C7orf78: variants seen among roughly 807,000 people sequenced by gnomAD.
C7orf78 encodes chromosome 7 open reading frame 78, also known as putative uncharacterized protein C7orf78.
chr7:12,512,128 T>TAGAAAAA, the C7orf78 span, among the ~76,000 whole-genome samples: 1 of 151,930 alleles, frequency 6.6e-6, no homozygotes, highest in South Asian at 2.1e-4. Flanking sequence ...TTGGTTTTTC[T>TAGAAAAA]AAATGTAAAT....
chr7:12,527,667 C>T, the C7orf78 span, among the ~76,000 whole-genome samples: 1 of 135,424 alleles, frequency 7.4e-6, no homozygotes, highest in Non-Finnish European at 1.6e-5. Flanking sequence ...CTAGTATATG[C>T]TATGTGTCAC....
chr7:12,511,945 T>G, the C7orf78 span, among the ~76,000 whole-genome samples: 1 of 140,796 alleles, frequency 7.1e-6, no homozygotes, highest in African/African-American at 2.7e-5. Flanking sequence ...TTTTTTTTTT[T>G]TTTGTATTTT....
At chr7:12,494,192 G>A in the C7orf78 span, among the ~76,000 whole-genome samples, 2 of 152,132 alleles carry the variant, frequency 1.3e-5, no homozygotes, top group East Asian at 3.9e-4. Context: ...AGGTAAAAGT[G>A]AGGAGAGAAG....
the C7orf78 span, among the ~76,000 whole-genome samples, chr7:12,503,093 G>GT: frequency 2.2e-5 from 3 of 135,174 alleles, no homozygotes; most frequent in South Asian, 2.4e-4. Flanking sequence ...TGGGGTGGGG[G>GT]TAGGGGGGAG....
the C7orf78 span, among the ~76,000 whole-genome samples, chr7:12,538,694 C>T: frequency 6.6e-6 from 1 of 152,154 alleles, no homozygotes; most frequent in Admixed American, 6.5e-5. Context: ...CACAAGATGG[C>T]TGGAGCTCAT....
At chr7:12,524,374 A>G in the C7orf78 span, among the ~76,000 whole-genome samples, 1 of 150,436 alleles carries the variant, frequency 6.6e-6, no homozygotes, top group Admixed American at 6.6e-5. Context: ...AGCTATAGTC[A>G]ATAACTCTCT....
chr7:12,511,214 G>A, the C7orf78 span, among the ~76,000 whole-genome samples: 3 of 151,680 alleles, frequency 2.0e-5, no homozygotes, highest in African/African-American at 7.3e-5. Flanking sequence ...GTTTATTTCT[G>A]GATTCTCTAT....
chr7:12,537,534 C>A, the C7orf78 span, among the ~76,000 whole-genome samples: 1 of 152,052 alleles, frequency 6.6e-6, no homozygotes, highest in Non-Finnish European at 1.5e-5. Context: ...AGAATTGGAA[C>A]AAGTACTTTG....
the C7orf78 span, among the ~76,000 whole-genome samples, chr7:12,521,992 A>G: frequency 1.6e-4 from 24 of 152,052 alleles, no homozygotes; most frequent in African/African-American, 5.8e-4. Context: ...AAAACAATCC[A>G]TCACTGCAAA....
the C7orf78 span, among the ~76,000 whole-genome samples, chr7:12,488,849 T>C: frequency 6.6e-6 from 1 of 151,790 alleles, no homozygotes; most frequent in South Asian, 2.1e-4. Flanking sequence ...ATGTTTCTTG[T>C]AAAGTATTAT....
At chr7:12,529,224 A>G in the C7orf78 span, among the ~76,000 whole-genome samples, 1 of 152,022 alleles carries the variant, frequency 6.6e-6, no homozygotes, top group Non-Finnish European at 1.5e-5. Flanking sequence ...AGAACTTTGG[A>G]TTTTCTTTTC....
chr7:12,534,165 C>G, the C7orf78 span, among the ~76,000 whole-genome samples: 9 of 152,244 alleles, frequency 5.9e-5, no homozygotes, highest in African/African-American at 2.2e-4. Context: ...TTTGGCAGAG[C>G]CTATAGATTT....
At chr7:12,499,109 G>A in the C7orf78 span, among the ~76,000 whole-genome samples, 47 of 152,146 alleles carry the variant, frequency 3.1e-4, no homozygotes, top group East Asian at 1.2e-3. Context: ...AGGAACAACC[G>A]GTACCAGCCA....
chr7:12,536,743 A>G, the C7orf78 span, among the ~76,000 whole-genome samples: 101 of 152,250 alleles, frequency 6.6e-4, 2 homozygotes, highest in East Asian at 7.0e-3. Context: ...CTGCTTAGAA[A>G]TTTCTTCTGC....
the C7orf78 span, among the ~76,000 whole-genome samples, chr7:12,517,692 G>C: frequency 1.3e-5 from 2 of 151,966 alleles, no homozygotes; most frequent in African/African-American, 4.8e-5. Flanking sequence ...ATATTTTGTA[G>C]TTCATTAAAT....
chr7:12,490,461 A>G, the C7orf78 span, among the ~76,000 whole-genome samples: 20 of 152,168 alleles, frequency 1.3e-4, no homozygotes, highest in Non-Finnish European at 2.6e-4. Flanking sequence ...AGGCCATGAA[A>G]ACAGGATATA....
At chr7:12,509,676 T>C in the C7orf78 span, among the ~76,000 whole-genome samples, 2 of 152,190 alleles carry the variant, frequency 1.3e-5, no homozygotes, top group African/African-American at 4.8e-5. Context: ...TATGTCCATG[T>C]GATCAAGTTT....
the C7orf78 span, among the ~76,000 whole-genome samples, chr7:12,532,289 C>T: frequency 1.3e-5 from 2 of 152,164 alleles, no homozygotes; most frequent in Non-Finnish European, 2.9e-5. Flanking sequence ...GTGGCTCACG[C>T]CTGTAATCCC....
At chr7:12,537,584 C>T in the C7orf78 span, among the ~76,000 whole-genome samples, 1 of 152,236 alleles carries the variant, frequency 6.6e-6, no homozygotes, top group East Asian at 1.9e-4. Flanking sequence ...TGGATGTATA[C>T]ATACATATAA....
Sources: gnomAD v4.1 joint callset for allele counts (sites outside exome capture counted in the v4.1 genomes callset) on GRCh38, gnomAD v4.1.1 for gene constraint, MANE v1.5 for transcripts, NCBI Gene and HGNC (gene_info 2026-07-23, HGNC 2026-07-21) for gene names.